GRM8: variants seen among roughly 807,000 people sequenced by gnomAD.
GRM8 encodes the protein metabotropic glutamate receptor 8.
Under a neutral mutation model 87.2 loss-of-function variants are expected in GRM8, and 47 were observed. The ratio of observed to expected loss-of-function variants is 0.54; its 90% CI spans 0.43 to 0.69. The LOEUF is 0.69. GRM8 is among the 30% of genes least tolerant of loss of function. The probability of loss-of-function intolerance (pLI) is 0.00; values close to 1 mark genes in which losing one functional copy is unlikely to be tolerated. For missense variants in GRM8, 1,019 were observed against 1,139.2 expected (o/e 0.89, Z 1.52); for synonymous variants, 396 against 404.5 (o/e 0.98, Z 0.25).
rs36129145 is a variant in GRM8 at position 126,974,936 on chromosome 7, C to CAAAAAA, written c.728-70259_728-70254dup. 7.5e-4 allele frequency among the ~76,000 whole-genome samples: 45 copies of CAAAAAA among 59,616 alleles called. 2 individuals carry two copies. Among genetic ancestry groups the CAAAAAA allele is most frequent in the African/African-American group, 2.4e-3 (36 of 14,842 alleles). The allele number at this position is 59,616 out of a possible 152,430, so 39.1% of individuals were successfully genotyped here. Reference sequence around the variant, plus strand: ...GGGTGACAGAGCGAGACTCTTGTCTCAAAAAAAAAAAAAAAAAAAAAAAAA... The same window carrying CAAAAAA: ...GGGTGACAGAGCGAGACTCTTGTCTCAAAAAAAAAAAAAAAAAAAAAAAAAAAAAAA... On this transcript the variant is annotated intron_variant, in intron 3 of 10. Transcript: ENST00000339582.
chr7:127,009,282 T>C (rs1423761476), intron 3 of GRM8, among the ~76,000 whole-genome samples: 1 of 152,154 alleles, frequency 6.6e-6, no homozygotes. Context: ...AAGAATAAAG[T>C]ATTTTAAAAA....
At chr7:126,506,962 A>C (rs145978222) in intron 9 of GRM8, among the ~76,000 whole-genome samples, 2 of 152,268 alleles carry the variant, frequency 1.3e-5, no homozygotes, top group African/African-American at 4.8e-5. Flanking sequence ...TAAATTACAT[A>C]GGCAGGGCAT....
At chr7:126,667,770 G>C (rs1805926133) in intron 7 of GRM8, among the ~76,000 whole-genome samples, 1 of 152,244 alleles carries the variant, frequency 6.6e-6, no homozygotes, top group South Asian at 2.1e-4. Context: ...GCACTGTGGG[G>C]AGACTTCGTG....
intron 7 of GRM8, among the ~76,000 whole-genome samples, chr7:126,751,796 T>C (rs1157606601): frequency 6.6e-6 from 1 of 152,188 alleles, no homozygotes; most frequent in East Asian, 1.9e-4. Flanking sequence ...TGAGTTGAAC[T>C]GGACCAATCT....
chr7:126,887,390 G>A (rs930619541), intron 6 of GRM8, among the ~76,000 whole-genome samples: 2 of 152,080 alleles, frequency 1.3e-5, no homozygotes, highest in African/African-American at 4.8e-5. Flanking sequence ...TTGGCCACAG[G>A]GCTGTGGTCC....
At chr7:127,155,958 A>C (rs1273466141) in intron 2 of GRM8, among the ~76,000 whole-genome samples, 1 of 152,162 alleles carries the variant, frequency 6.6e-6, no homozygotes, top group Non-Finnish European at 1.5e-5. Context: ...CCTGGAATTG[A>C]CGCCCTCTTG....
intron 2 of GRM8, among the ~76,000 whole-genome samples, chr7:127,236,464 A>T (rs1323977959): frequency 6.6e-6 from 1 of 152,154 alleles, no homozygotes; most frequent in Non-Finnish European, 1.5e-5. Context: ...GAAGCAAGAA[A>T]CCTTCTTCAC....
At chr7:126,859,506 G>A (rs952025343) in intron 6 of GRM8, among the ~76,000 whole-genome samples, 5 of 152,142 alleles carry the variant, frequency 3.3e-5, no homozygotes, top group Non-Finnish European at 5.9e-5. Flanking sequence ...AAGCAAATGC[G>A]CTTATCCAAA....
chr7:126,640,725 T>C (rs62477907), intron 7 of GRM8, among the ~76,000 whole-genome samples: 46,706 of 151,740 alleles, frequency 0.31, 8,080 homozygotes, highest in East Asian at 0.43. Context: ...AGAGTAGTTG[T>C]TCTGGACCTT....
chr7:127,122,771 G>A (rs757944989), intron 2 of GRM8, among the ~76,000 whole-genome samples: 9 of 152,008 alleles, frequency 5.9e-5, no homozygotes, highest in Admixed American at 2.0e-4. Context: ...AATGCAGGAT[G>A]AAAAACACTT....
At chr7:127,100,917 T>A (rs78779870) in intron 3 of GRM8, among the ~76,000 whole-genome samples, 1 of 152,174 alleles carries the variant, frequency 6.6e-6, no homozygotes, top group African/African-American at 2.4e-5. Context: ...CACCTTTCCA[T>A]ACTCAACCAT....
intron 1 of GRM8, among the ~76,000 whole-genome samples, chr7:127,251,722 CCGCCCGAAACTGGGGCCG>C (rs1798883512): frequency 6.6e-6 from 1 of 151,424 alleles, no homozygotes; most frequent in African/African-American, 2.4e-5. Context: ...CCGCGCGGGG[CCGCCCGAAACTGGGGCCG>C]CGCCAGCCGC....
intron 3 of GRM8, among the ~76,000 whole-genome samples, chr7:126,924,786 T>C (rs765659378): frequency 2.0e-5 from 3 of 152,070 alleles, no homozygotes; most frequent in African/African-American, 4.8e-5. Context: ...GAGCTTATAA[T>C]GTATATAAGA....
intron 2 of GRM8, among the ~76,000 whole-genome samples, chr7:127,119,862 ATCCTTTAAGTGTTAGCAT>A (rs1826928482): frequency 1.3e-5 from 2 of 152,188 alleles, no homozygotes; most frequent in South Asian, 4.1e-4. Context: ...CCCTTGTTTC[ATCCTTTAAGTGTTAGCAT>A]TCCTTAGGAT....
intron 7 of GRM8, among the ~76,000 whole-genome samples, chr7:126,705,215 A>G (rs1162533934): frequency 2.0e-5 from 3 of 152,156 alleles, no homozygotes; most frequent in Non-Finnish European, 4.4e-5. Context: ...AAGTCTGCTT[A>G]CTTTGCTATA....
At chr7:127,029,453 A>G (rs1169230812) in intron 3 of GRM8, among the ~76,000 whole-genome samples, 1 of 152,084 alleles carries the variant, frequency 6.6e-6, no homozygotes, top group Non-Finnish European at 1.5e-5. Context: ...TCCCATTATT[A>G]TTGTGTGGGA....
chr7:126,959,817 T>C (rs575143655), intron 3 of GRM8, among the ~76,000 whole-genome samples: 2 of 152,334 alleles, frequency 1.3e-5, no homozygotes, highest in Admixed American at 6.5e-5. Context: ...GCCTGGGTTC[T>C]GAAGTCAGAT....
At chr7:126,858,837 T>A (rs1043923079) in intron 6 of GRM8, among the ~76,000 whole-genome samples, 18 of 152,186 alleles carry the variant, frequency 1.2e-4, no homozygotes, top group Non-Finnish European at 1.8e-4. Context: ...CCAATTGAGG[T>A]CTTTAAATTT....
At position 127,066,045 on chromosome 7, in the gene GRM8, A is replaced by G. The variant is rs544726634; in HGVS notation, c.727+40451T>C. Among the ~76,000 whole-genome samples the G allele has an allele frequency of 1.0e-4, 11 of 104,884 alleles. No individual in the cohort carries two copies. The East Asian group carries it at 2.3e-3, about 22-fold the overall frequency. The allele number at this position is 104,884 out of a possible 152,430, so 68.8% of individuals were successfully genotyped here. A position where few individuals can be genotyped will look rare whatever the true frequency, so the allele number is the denominator to read the frequency against. ...AAAAACAGATCCTTTGACACTCCAGATTGGAATTTGATGACTTTTTTCCCA... is the reference window on the plus strand; with the variant it reads ...AAAAACAGATCCTTTGACACTCCAGGTTGGAATTTGATGACTTTTTTCCCA... On this transcript the variant is annotated intron_variant, in intron 3 of 10. Coordinates refer to ENST00000339582, the MANE Select transcript of GRM8 (RefSeq NM_000845.3).
Sources: gnomAD v4.1 joint callset for allele counts (sites outside exome capture counted in the v4.1 genomes callset) on GRCh38, gnomAD v4.1.1 for gene constraint, MANE v1.5 for transcripts, NCBI Gene and HGNC (gene_info 2026-07-23, HGNC 2026-07-21) for gene names.